Variants in CHD2 observed in about 807,000 individuals in gnomAD.
CHD2 encodes ATP-dependent chromatin remodeler CHD2.
CHD2 carries 28 observed loss-of-function variants against 243.9 expected under a neutral mutation model. The observed-to-expected ratio is 0.11, with a 90% CI of 0.09 to 0.16. The LOEUF (loss-of-function observed/expected upper bound fraction) is 0.16. Ranked by LOEUF, CHD2 falls within the 10% of genes least tolerant of loss-of-function variation. CHD2 has a pLI of 1.00. For missense variants in CHD2, 1,386 were observed against 2,209.8 expected (o/e 0.63, Z 7.47); for synonymous variants, 775 against 779.0 (o/e 0.99, Z 0.09).
intron 2 of CHD2, chr15:92,904,334 C>T (rs536462632): frequency 4.0e-5 from 22 of 551,450 alleles, no homozygotes; most frequent in Admixed American, 2.5e-4. Context: ...GTGCGCGCGC[C>T]TGGTAACAGC....
At position 92,967,276 on chromosome 15, in the gene CHD2, C is replaced by A. The variant is rs751859312; in HGVS notation, c.2001-49C>A. 5.4e-6 allele frequency: 7 copies of A among 1,295,230 alleles called. No individual in the cohort carries two copies. The African/African-American group carries it at 6.1e-5, about 11-fold the overall frequency. The allele number at this position is 1,295,230 out of a possible 1,614,324, so 80.2% of individuals were successfully genotyped here. Reference sequence around the variant, plus strand: ...TTTTTTTACAGTTTTTTTTCCTATTCTTCTTTTCCTCAATGTGGCTAAATA... The same window carrying A: ...TTTTTTTACAGTTTTTTTTCCTATTATTCTTTTCCTCAATGTGGCTAAATA... On this transcript the variant is annotated intron_variant, in intron 16 of 38. Transcript: ENST00000394196.
intron 13 of CHD2, 152 bp downstream of exon 13, chr15:92,949,228 A>G: frequency 6.8e-7 from 1 of 1,460,792 alleles, no homozygotes; most frequent in South Asian, 1.5e-5. Flanking sequence ...AAGATGATTG[A>G]GAGAAATGCT....
chr15:92,917,626 A>T (rs1050252185), intron 2 of CHD2, among the ~76,000 whole-genome samples: 7 of 152,234 alleles, frequency 4.6e-5, no homozygotes, highest in Non-Finnish European at 1.0e-4. Flanking sequence ...TTTCCATCTT[A>T]AGACACATAG....
At chr15:92,977,492 A>G (rs181727916) in intron 20 of CHD2, among the ~76,000 whole-genome samples, 1 of 152,322 alleles carries the variant, frequency 6.6e-6, no homozygotes, top group East Asian at 1.9e-4. Context: ...CTGAAAATAG[A>G]AATATTTCAC....
chr15:92,902,436 C>G, intron 2 of CHD2: 1 of 352,718 alleles, frequency 2.8e-6, no homozygotes, highest in Non-Finnish European at 5.0e-6. Flanking sequence ...TTTTCCTTCC[C>G]AATTTTTACT....
intron 16 of CHD2, among the ~76,000 whole-genome samples, chr15:92,957,464 A>G (rs993814654): frequency 6.6e-6 from 1 of 152,170 alleles, no homozygotes; most frequent in Admixed American, 6.5e-5. Flanking sequence ...AACCTGTTTT[A>G]GTGTCTATAT....
At chr15:92,909,489 G>C (rs999080690) in intron 2 of CHD2, among the ~76,000 whole-genome samples, 3 of 152,102 alleles carry the variant, frequency 2.0e-5, no homozygotes, top group African/African-American at 7.2e-5. Flanking sequence ...TGTTGTTGTT[G>C]GGACAGAGTC....
intron 2 of CHD2, among the ~76,000 whole-genome samples, chr15:92,909,235 T>C (rs527624094): frequency 1.3e-5 from 2 of 152,358 alleles, no homozygotes; most frequent in East Asian, 3.9e-4. Flanking sequence ...TCTTCCTTAG[T>C]GTACTCTCCT....
chr15:93,024,849 A>G lies in CHD2; in HGVS notation c.*144A>G. 1.4e-6 allele frequency: 1 copy of G among 710,344 alleles called. No homozygotes were observed. The highest frequency in any genetic ancestry group is 2.3e-6 in the Non-Finnish European group (1 of 437,784). The allele number at this position is 710,344 out of a possible 1,614,324, so 44.0% of individuals were successfully genotyped here. On this transcript the variant is annotated 3_prime_UTR_variant, in exon 39 of 39. Transcript: ENST00000394196. The stretch of plus-strand genomic sequence containing the variant: ...AACTCACTGGCTGAAGGAGCACTTC[A>G]AGGAATGGGAGGCCTTTCACTGGGT...
At chr15:92,938,295 AT>A (rs760433900) in intron 6 of CHD2, among the ~76,000 whole-genome samples, 1 of 152,258 alleles carries the variant, frequency 6.6e-6, no homozygotes, top group Non-Finnish European at 1.5e-5. Context: ...GTGAAATGTT[AT>A]CCCCTCAAAA....
At chr15:93,024,289 A>T in intron 38 of CHD2, 83 bp from the exon 39 acceptor site, 1 of 1,227,052 alleles carries the variant, frequency 8.1e-7, no homozygotes. Flanking sequence ...TGAGTATATG[A>T]GGAAGAGCCA....
chr15:92,948,923 T>C (rs754843527), intron 12 of CHD2, 29 bp from the exon 13 acceptor site: 1 of 1,601,050 alleles, frequency 6.2e-7, no homozygotes, highest in South Asian at 1.1e-5. Flanking sequence ...GTAAGAACAT[T>C]TTCTCAGACT....
chr15:92,911,227 C>G (rs2052728600), intron 2 of CHD2, among the ~76,000 whole-genome samples: 1 of 152,190 alleles, frequency 6.6e-6, no homozygotes, highest in African/African-American at 2.4e-5. Context: ...AGCATGTATA[C>G]TACCTCCTAA....
At chr15:92,993,263 C>T (rs1184165864) in intron 28 of CHD2, 5 of 343,624 alleles carry the variant, frequency 1.5e-5, no homozygotes, top group Non-Finnish European at 2.2e-5. Flanking sequence ...TTAAATTCGT[C>T]GGAGTGATGT....
At position 92,924,763 on chromosome 15, in the gene CHD2, G is replaced by A. The variant is rs2053025903; in HGVS notation, c.294+211G>A. Among the ~76,000 whole-genome samples, 4 of 152,110 alleles carry A rather than the reference G, an allele frequency of 2.6e-5. No individual in the cohort carries two copies. The South Asian group carries it at 8.3e-4, about 32-fold the overall frequency. ...AATGACCTGAACCATCCAATTATAG[G>A]GAGGAAAGACAAATTTTTATACGCT... is the stretch of plus-strand genomic sequence containing the variant. On this transcript the variant is annotated intron_variant, in intron 3 of 38. Transcript: ENST00000394196.
chr15:92,971,180 T>A (rs2053836115), intron 17 of CHD2, among the ~76,000 whole-genome samples: 1 of 152,202 alleles, frequency 6.6e-6, no homozygotes, highest in Admixed American at 6.5e-5. Context: ...TTGAGTCTCT[T>A]ATCAAAAATG....
intron 27 of CHD2, 50 bp downstream of exon 27, chr15:92,991,567 T>C (rs2054120043): frequency 4.4e-6 from 6 of 1,360,330 alleles, no homozygotes; most frequent in Non-Finnish European, 6.1e-6. Flanking sequence ...GCTTTTATTA[T>C]ATAGTACGTT....
Position 92,997,441 on chromosome 15 carries a change from T to G in CHD2, c.3885+38T>G. 2 of 1,504,156 alleles carry G rather than the reference T, an allele frequency of 1.3e-6. No homozygotes were observed. The highest frequency in any genetic ancestry group is 8.9e-7 in the Non-Finnish European group (1 of 1,126,864). The allele number at this position is 1,504,156 out of a possible 1,614,324, so 93.2% of individuals were successfully genotyped here. ...ACCATGCTAGAGATTTCTAGAAGAT[T>G]TGTTGTGTAATATTTTTATATCGAT... is the stretch of plus-strand genomic sequence containing the variant. On this transcript the variant is annotated intron_variant, in intron 30 of 38. Transcript: ENST00000394196. The surrounding 1 kb of genome is among the most constrained non-coding windows in gnomAD (Gnocchi z 4.1).
intron 28 of CHD2, among the ~76,000 whole-genome samples, chr15:92,993,663 C>T (rs1452160085): frequency 1.3e-5 from 2 of 148,608 alleles, no homozygotes; most frequent in African/African-American, 2.4e-5. Flanking sequence ...CGAAGAGAGG[C>T]CAGGCGCAGT....
Sources: gnomAD v4.1 joint callset for allele counts (sites outside exome capture counted in the v4.1 genomes callset) on GRCh38, gnomAD v4.1.1 for gene constraint, Gnocchi (gnomAD v3.1) non-coding constraint, MANE v1.5 for transcripts, NCBI Gene and HGNC (gene_info 2026-07-23, HGNC 2026-07-21) for gene names.